Variants in BABAM2 observed in about 807,000 individuals in gnomAD.
BABAM2 encodes the protein BRISC and BRCA1-A complex member 2.
In BABAM2, 31 loss-of-function variants were observed where a neutral mutation model predicts 54.7. The observed-to-expected ratio is 0.57, with a 90% CI of 0.43 to 0.77. BABAM2 has a LOEUF of 0.77. Among genes scored for constraint, BABAM2 ranks in the 30% least tolerant of loss-of-function variants. BABAM2 has a pLI of 0.00. For synonymous variants in BABAM2, 167 were observed against 162.9 expected, an observed-to-expected ratio of 1.03 and a Z score of -0.19; for missense variants, 364 against 455.8, an observed-to-expected ratio of 0.80 and a Z score of 1.83.
At chr2:27,972,773 C>CTTTTT (rs11383917) in intron 3 of BABAM2, among the ~76,000 whole-genome samples, 2 of 138,432 alleles carry the variant, frequency 1.4e-5, no homozygotes, top group Non-Finnish European at 1.5e-5. Flanking sequence ...TAATTATTAG[C>CTTTTT]TTTTTTTTTT....
At chr2:28,112,201 T>TCTC (rs1668187033) in intron 6 of BABAM2, among the ~76,000 whole-genome samples, 1 of 45,064 alleles carries the variant, frequency 2.2e-5, no homozygotes, top group African/African-American at 7.1e-5. Context: ...CTCCCTCCCT[T>TCTC]CCTTCCTTCC....
intron 6 of BABAM2, among the ~76,000 whole-genome samples, chr2:28,101,628 C>T (rs1306328265): frequency 2.0e-5 from 3 of 152,148 alleles, no homozygotes; most frequent in African/African-American, 7.2e-5. Flanking sequence ...TCCTAACATG[C>T]CCCATATAGT....
chr2:28,317,871 C>G (rs889815494), intron 11 of BABAM2, among the ~76,000 whole-genome samples: 14 of 152,190 alleles, frequency 9.2e-5, no homozygotes, highest in Admixed American at 6.5e-5. Context: ...CTGAGTCTAA[C>G]TGATGAATGA....
chr2:28,104,491 A>G (rs1667336528), intron 6 of BABAM2, among the ~76,000 whole-genome samples: 1 of 152,236 alleles, frequency 6.6e-6, no homozygotes, highest in Non-Finnish European at 1.5e-5. Flanking sequence ...ACAATGAGAT[A>G]CCATCTCACG....
intron 5 of BABAM2, among the ~76,000 whole-genome samples, chr2:28,025,871 CTTATAA>C (rs897013339): frequency 6.6e-6 from 1 of 152,188 alleles, no homozygotes; most frequent in African/African-American, 2.4e-5. Flanking sequence ...CTTTTTGCAA[CTTATAA>C]TTATATGATC....
chr2:28,091,675 A>T (rs1381384243), intron 6 of BABAM2, among the ~76,000 whole-genome samples: 1 of 152,230 alleles, frequency 6.6e-6, no homozygotes, highest in Non-Finnish European at 1.5e-5. Flanking sequence ...AAGATATAAA[A>T]GGTAAATAAA....
At chr2:28,021,651 G>A (rs1312535248) in intron 4 of BABAM2, among the ~76,000 whole-genome samples, 1 of 151,848 alleles carries the variant, frequency 6.6e-6, no homozygotes, top group African/African-American at 2.4e-5. Context: ...CTAGAGAGTT[G>A]GGCAAAATTT....
At chr2:28,206,004 C>T (rs970868706) in intron 7 of BABAM2, among the ~76,000 whole-genome samples, 7 of 152,096 alleles carry the variant, frequency 4.6e-5, no homozygotes, top group Non-Finnish European at 7.4e-5. Context: ...GGAAGGCTTT[C>T]GTGTAGGACT....
At chr2:27,915,556 C>T (rs1666903840) in intron 2 of BABAM2, among the ~76,000 whole-genome samples, 1 of 152,170 alleles carries the variant, frequency 6.6e-6, no homozygotes, top group African/African-American at 2.4e-5. Context: ...AACTACCTAA[C>T]AACCAAAAAT....
At chr2:28,328,691 G>A (rs1690691078) in intron 11 of BABAM2, among the ~76,000 whole-genome samples, 1 of 152,190 alleles carries the variant, frequency 6.6e-6, no homozygotes, top group Non-Finnish European at 1.5e-5. Context: ...CACGGGGCCG[G>A]GCTCTAGTGG....
intron 6 of BABAM2, among the ~76,000 whole-genome samples, chr2:28,082,594 T>C (rs571670999): frequency 6.0e-4 from 92 of 152,322 alleles, no homozygotes; most frequent in African/African-American, 2.1e-3. Flanking sequence ...GCACTTCCTA[T>C]AGTGCTTGGC....
intron 7 of BABAM2, among the ~76,000 whole-genome samples, chr2:28,205,292 G>A (rs572981258): frequency 2.0e-5 from 3 of 152,124 alleles, no homozygotes; most frequent in Admixed American, 2.0e-4. Flanking sequence ...ATGAGGTAAA[G>A]AGATCAAGAC....
chr2:28,046,953 A>T (rs1177192771), intron 6 of BABAM2, among the ~76,000 whole-genome samples: 3 of 152,026 alleles, frequency 2.0e-5, no homozygotes, highest in African/African-American at 7.2e-5. Context: ...TTTTTTGTAG[A>T]GAAAGGGTCT....
chr2:28,063,011 T>C (rs1679029486), intron 6 of BABAM2, among the ~76,000 whole-genome samples: 2 of 152,226 alleles, frequency 1.3e-5, no homozygotes, highest in Admixed American at 6.5e-5. Context: ...TAGTATCCCA[T>C]GCCCATGTTC....
intron 11 of BABAM2, among the ~76,000 whole-genome samples, chr2:28,337,993 A>T (rs1691616717): frequency 6.6e-6 from 1 of 152,188 alleles, no homozygotes; most frequent in African/African-American, 2.4e-5. Flanking sequence ...TCTCTAAAAA[A>T]ATCAAATGTG....
At chr2:28,032,882 C>T (rs1211901481) in intron 5 of BABAM2, among the ~76,000 whole-genome samples, 2 of 152,096 alleles carry the variant, frequency 1.3e-5, no homozygotes, top group African/African-American at 2.4e-5. Flanking sequence ...GTATCCTTCA[C>T]TCAGTTTCCC....
chr2:28,203,800 C>T (rs1678532928), intron 7 of BABAM2, among the ~76,000 whole-genome samples: 1 of 152,196 alleles, frequency 6.6e-6, no homozygotes, highest in Non-Finnish European at 1.5e-5. Context: ...CCACCACACT[C>T]TTCTTTCCAT....
At chr2:27,926,386 T>C (rs1465610479) in intron 2 of BABAM2, among the ~76,000 whole-genome samples, 1 of 152,192 alleles carries the variant, frequency 6.6e-6, no homozygotes, top group African/African-American at 2.4e-5. Flanking sequence ...CTTCCCCAGA[T>C]GTACCAAGCT....
chr2:27,939,443 T>A (rs1668722505), intron 3 of BABAM2, among the ~76,000 whole-genome samples: 1 of 152,234 alleles, frequency 6.6e-6, no homozygotes, highest in Admixed American at 6.5e-5. Context: ...ATAGAATGAA[T>A]GCATGCATGC....
Sources: allele counts gnomAD v4.1 joint callset (sites outside exome capture counted in the v4.1 genomes callset), GRCh38; gene constraint gnomAD v4.1.1; transcripts MANE v1.5; gene names NCBI Gene and HGNC (gene_info 2026-07-23, HGNC 2026-07-21).